Variants in FAF1 observed in about 807,000 individuals in gnomAD.
The protein encoded by FAF1 is Fas associated factor 1.
FAF1 carries 25 observed loss-of-function variants against 92.5 expected under a neutral mutation model. That is an observed-to-expected ratio of 0.27 (90% CI 0.20 to 0.38). FAF1 has a LOEUF of 0.38. Among genes scored for constraint, FAF1 ranks in the 10% least tolerant of loss-of-function variants. The pLI is 1.00. For synonymous variants in FAF1, 234 were observed against 273.2 expected, an observed-to-expected ratio of 0.86 and a Z score of 1.42; for missense variants, 636 against 793.3, an observed-to-expected ratio of 0.80 and a Z score of 2.38.
intron 7 of FAF1, among the ~76,000 whole-genome samples, chr1:50,659,488 T>C (rs6588391): frequency 0.89 from 136,190 of 152,228 alleles, 61,100 homozygotes; most frequent in East Asian, 0.93. Flanking sequence ...CAATATTGTG[T>C]TGCTTCTGAC....
intron 15 of FAF1, among the ~76,000 whole-genome samples, chr1:50,523,397 T>G (rs1013796593): frequency 2.0e-5 from 3 of 152,230 alleles, no homozygotes; most frequent in Non-Finnish European, 4.4e-5. Context: ...ACAAGGGTTC[T>G]AAATTTGTGT....
At chr1:50,951,980 G>GT (rs1342264868) in intron 1 of FAF1, among the ~76,000 whole-genome samples, 3 of 152,160 alleles carry the variant, frequency 2.0e-5, no homozygotes, top group African/African-American at 7.2e-5. Flanking sequence ...GTCACTCAAC[G>GT]TAAGTGACTT....
Position 50,863,687 on chromosome 1 carries a change from G to A in FAF1, c.46-5690C>T, listed in dbSNP as rs191924964. ...TCTTTTTTTGGTTGTGTCTCTGCCC[G>A]GCTTTGCTATCAGGATGATGCTGGC... On this transcript the variant is annotated intron_variant, in intron 1 of 18. Coordinates refer to ENST00000396153, the MANE Select transcript of FAF1 (RefSeq NM_007051.3). Among the ~76,000 whole-genome samples, 70 of 152,070 alleles carry A rather than the reference G, an allele frequency of 4.6e-4. 4 individuals are homozygous for A. Among genetic ancestry groups the A allele is most frequent in the East Asian group, 1.5e-3 (8 of 5,170 alleles).
chr1:50,499,587 G>T (rs553205884), intron 15 of FAF1, among the ~76,000 whole-genome samples: 1 of 152,170 alleles, frequency 6.6e-6, no homozygotes, highest in South Asian at 2.1e-4. Context: ...AAAGGAAGTA[G>T]AACTCTCTTT....
Position 50,918,909 on chromosome 1 carries a change from A to C in FAF1, c.45+40858T>G, listed in dbSNP as rs182489866. 7.1e-3 allele frequency among the ~76,000 whole-genome samples: 1,075 copies of C among 151,674 alleles called. 7 individuals carry two copies. The highest frequency in any genetic ancestry group is 0.024 in the African/African-American group (1,011 of 41,276). On this transcript the variant is annotated intron_variant, in intron 1 of 18. Transcript: ENST00000396153. ...TCTAACTGGTGTGAGATGATATCTC[A>C]TAGTGGTTTTGATTTGCATTTCTCT... is the stretch of plus-strand genomic sequence containing the variant.
intron 2 of FAF1, chr1:50,846,947 T>C (rs3747997): frequency 0.13 from 30,610 of 238,632 alleles, 2,658 homozygotes; most frequent in South Asian, 0.35. Flanking sequence ...TAAGAGTGTA[T>C]TGCAGGTGCT....
intron 7 of FAF1, among the ~76,000 whole-genome samples, chr1:50,658,994 T>C (rs1317603635): frequency 6.6e-6 from 1 of 152,196 alleles, no homozygotes; most frequent in African/African-American, 2.4e-5. Flanking sequence ...TAGATTACAA[T>C]TCCATTTTCT....
At chr1:50,689,508 C>T (rs745453073) in intron 7 of FAF1, among the ~76,000 whole-genome samples, 1 of 152,046 alleles carries the variant, frequency 6.6e-6, no homozygotes, top group South Asian at 2.1e-4. Flanking sequence ...GCCGTGGACC[C>T]GGGAGGCAGA....
chr1:50,739,998 C>T (rs1430404173), intron 5 of FAF1, among the ~76,000 whole-genome samples: 2 of 147,242 alleles, frequency 1.4e-5, no homozygotes, highest in African/African-American at 5.2e-5. Context: ...CATTGTATAC[C>T]TTTACATCAT....
At chr1:50,712,492 C>T (rs927321035) in intron 6 of FAF1, among the ~76,000 whole-genome samples, 15 of 151,988 alleles carry the variant, frequency 9.9e-5, no homozygotes, top group South Asian at 4.2e-4. Context: ...CCTGTTACTA[C>T]TAAAAATACA....
chr1:50,753,771 T>G (rs1355368154), intron 4 of FAF1, among the ~76,000 whole-genome samples: 4 of 151,444 alleles, frequency 2.6e-5, no homozygotes, highest in African/African-American at 9.7e-5. Context: ...TTTTTTTTTT[T>G]TTTTGAGACA....
intron 7 of FAF1, among the ~76,000 whole-genome samples, chr1:50,671,648 C>G (rs780906067): frequency 1.3e-5 from 2 of 152,002 alleles, no homozygotes; most frequent in Non-Finnish European, 2.9e-5. Context: ...AGTAGGTTAG[C>G]AGCAGGTGTA....
chr1:50,595,094 G>C (rs1651733977), intron 9 of FAF1, among the ~76,000 whole-genome samples: 1 of 150,158 alleles, frequency 6.7e-6, no homozygotes, highest in South Asian at 2.1e-4. Context: ...CACTCTTGTT[G>C]CCCAGGCTGG....
rs563576319 is a variant in FAF1, at chr1:50,837,241, C to T, written c.114+20688G>A. Among the ~76,000 whole-genome samples, 12 of 152,136 alleles carry T rather than the reference C, an allele frequency of 7.9e-5. No individual in the cohort carries two copies. The South Asian group carries it at 2.5e-3, about 32-fold the overall frequency. On this transcript the variant is annotated intron_variant, in intron 2 of 18. Coordinates refer to ENST00000396153, the MANE Select transcript of FAF1 (RefSeq NM_007051.3). ...AAAGTGCTGGGATTACAGGCGTGAG[C>T]CACCGTGCCCGGCCATATGTTATGT...
At chr1:50,907,596 G>C (rs1644850337) in intron 1 of FAF1, among the ~76,000 whole-genome samples, 1 of 152,030 alleles carries the variant, frequency 6.6e-6, no homozygotes, top group African/African-American at 2.4e-5. Context: ...CTTCTTCCTG[G>C]TTTAGTCTTG....
chr1:50,780,955 C>A lies in FAF1; in HGVS notation c.367+7045G>T, dbSNP rs577845483. 1.7e-3 allele frequency: 812 copies of A among 482,822 alleles called. 2 individuals are homozygous for A. Among genetic ancestry groups the A allele is most frequent in the Non-Finnish European group, 2.7e-3 (656 of 241,424 alleles). The allele number at this position is 482,822 out of a possible 1,614,324, so 29.9% of individuals were successfully genotyped here. ...GGTGGAAAAGGCTGAGCAGCAGGAA[C>A]AGGAGGTCATCATCTCTGCCAAGGG... On this transcript the variant is annotated intron_variant, in intron 4 of 18. Transcript: ENST00000396153.
chr1:50,614,736 G>A (rs1652829373), intron 8 of FAF1, among the ~76,000 whole-genome samples: 2 of 151,814 alleles, frequency 1.3e-5, no homozygotes, highest in South Asian at 2.1e-4. Context: ...CTACTAGGGA[G>A]GCTGAGGCAG....
intron 1 of FAF1, among the ~76,000 whole-genome samples, chr1:50,880,004 A>G (rs1016047302): frequency 6.6e-6 from 1 of 152,252 alleles, no homozygotes; most frequent in African/African-American, 2.4e-5. Context: ...CAAAGTAGAG[A>G]AAAACACATA....
chr1:50,894,522 C>T (rs181130809), intron 1 of FAF1, among the ~76,000 whole-genome samples: 13 of 151,748 alleles, frequency 8.6e-5, no homozygotes, highest in Middle Eastern at 3.4e-3. Flanking sequence ...TTACTTAAGG[C>T]GCAAGAAAAA....
Sources: gnomAD v4.1 joint callset for allele counts (sites outside exome capture counted in the v4.1 genomes callset) on GRCh38, gnomAD v4.1.1 for gene constraint, MANE v1.5 for transcripts, NCBI Gene and HGNC (gene_info 2026-07-23, HGNC 2026-07-21) for gene names.